FAM53A: variants seen among roughly 807,000 people sequenced by gnomAD.
FAM53A encodes the protein family with sequence similarity 53 member A.
FAM53A carries 28 observed loss-of-function variants against 26.6 expected under a neutral mutation model. That is an observed-to-expected ratio of 1.05 (90% CI 0.78 to 1.45). FAM53A has a LOEUF of 1.45. Ranked by LOEUF, FAM53A falls within the 40% of genes most tolerant of loss-of-function variation. The pLI is 0.00. For synonymous variants in FAM53A, 290 were observed against 253.1 expected (o/e 1.15, Z -1.38); for missense variants, 650 against 575.8 (o/e 1.13, Z -1.32).
chr4:1,658,574 C>T (rs549810197), intron 2 of FAM53A, among the ~76,000 whole-genome samples: 13 of 152,356 alleles, frequency 8.5e-5, no homozygotes, highest in African/African-American at 3.1e-4. Flanking sequence ...GGCAGGGTCT[C>T]CCTCCCTGGA....
intron 1 of FAM53A, among the ~76,000 whole-genome samples, chr4:1,633,865 T>C (rs1715720825): frequency 6.6e-6 from 1 of 151,894 alleles, no homozygotes; most frequent in Non-Finnish European, 1.5e-5. Context: ...AAAATCTATA[T>C]CCATAACTGC....
chr4:1,592,974 G>T, the FAM53A span, among the ~76,000 whole-genome samples: 1 of 152,110 alleles, frequency 6.6e-6, no homozygotes, highest in Non-Finnish European at 1.5e-5. Context: ...AACGGAACCG[G>T]CCCTGATTCG....
At chr4:1,589,615 T>C in the FAM53A span, among the ~76,000 whole-genome samples, 1 of 152,204 alleles carries the variant, frequency 6.6e-6, no homozygotes, top group Non-Finnish European at 1.5e-5. Context: ...TAATGGATAT[T>C]AGTCTTTTAC....
At chr4:1,636,793 G>A (rs1396649095), downstream of FAM53A, among the ~76,000 whole-genome samples, 1 of 152,250 alleles carries the variant, frequency 6.6e-6, no homozygotes, top group Non-Finnish European at 1.5e-5. Context: ...GGAGGCCACG[G>A]GGCTAGCATG....
At chr4:1,684,077 T>C (rs891938200) in intron 1 of FAM53A, 156 bp downstream of exon 1, 23 of 152,152 alleles carry the variant, frequency 1.5e-4, no homozygotes, top group African/African-American at 5.3e-4. Flanking sequence ...CAGGGGGACG[T>C]AGTCCACGCG....
Position 1,625,164 on chromosome 4 carries a change from G to A in FAM53A, c.432-7053C>T, listed in dbSNP as rs13135120. Among the ~76,000 whole-genome samples, 11 of 38,804 alleles carry A rather than the reference G, an allele frequency of 2.8e-4. 1 individual carries two copies. Among genetic ancestry groups the A allele is most frequent in the East Asian group, 4.8e-4 (1 of 2,098 alleles). 25.5% of individuals were successfully genotyped at this position (38,804 alleles called of 152,430 possible). On this transcript the variant is annotated intron_variant, in intron 1 of 1. Transcript: ENST00000489029. ...AGGTGATCAGAAGGCCCCACGTCCC[G>A]GCCCACGTGGTCAGGGGTCACACCA...
the FAM53A span, among the ~76,000 whole-genome samples, chr4:1,608,716 G>A: frequency 7.0e-4 from 107 of 152,276 alleles, no homozygotes; most frequent in South Asian, 2.3e-3. Context: ...CCTCAGCCCC[G>A]TCCATCACTC....
intron 2 of FAM53A, among the ~76,000 whole-genome samples, chr4:1,662,127 G>A (rs1259396509): frequency 1.3e-5 from 2 of 152,030 alleles, no homozygotes; most frequent in Admixed American, 1.3e-4. Context: ...ACAAGAGGTG[G>A]AAACCAGCCT....
chr4:1,632,163 CAAAA>C (rs33944808), intron 1 of FAM53A, among the ~76,000 whole-genome samples: 1 of 107,482 alleles, frequency 9.3e-6, no homozygotes. Flanking sequence ...GATTCCATCT[CAAAA>C]AAAAAAAAAA....
At chr4:1,652,314 C>T (rs1170906495) in intron 4 of FAM53A, among the ~76,000 whole-genome samples, 2 of 141,180 alleles carry the variant, frequency 1.4e-5, no homozygotes, top group East Asian at 2.1e-4. Context: ...ACACCACACA[C>T]GTCACACACA....
At chr4:1,657,309 T>G in intron 3 of FAM53A, 99 bp downstream of exon 3, 2 of 1,119,934 alleles carry the variant, frequency 1.8e-6, no homozygotes, top group Non-Finnish European at 2.6e-6. Context: ...CCTGGGCTTC[T>G]GCAGATCCGG....
the FAM53A span, among the ~76,000 whole-genome samples, chr4:1,608,534 G>A: frequency 7.2e-5 from 11 of 152,196 alleles, no homozygotes; most frequent in East Asian, 1.2e-3. Context: ...GAGGGGCTCC[G>A]TGGCAAGAGG....
At position 1,655,077 on chromosome 4, in the gene FAM53A, CTG is replaced by C; in HGVS notation, c.781_782del (p.Gln261AlafsTer16). ...TCCTCTTCCCACTGAGCACGCAAGG[CTG>C]TGAGCGGCACCGGAGCAGCCCACGG... ...GRRGLLRCRS[Q>X]PCVLSGKRSR... On this transcript the variant is annotated frameshift_variant, in exon 4 of 5. Transcript: ENST00000308132. LOFTEE classifies it high-confidence loss of function. The C allele has an allele frequency of 1.2e-6, 2 of 1,601,524 alleles. No individual in the cohort carries two copies. Among genetic ancestry groups the C allele is most frequent in the East Asian group, 2.3e-5 (1 of 44,322 alleles).
the FAM53A span, among the ~76,000 whole-genome samples, chr4:1,609,952 T>C: frequency 6.6e-6 from 1 of 151,890 alleles, no homozygotes; most frequent in Non-Finnish European, 1.5e-5. Context: ...AACAGAGACT[T>C]TGTCTCAATA....
At chr4:1,605,745 C>A in the FAM53A span, among the ~76,000 whole-genome samples, 19 of 152,142 alleles carry the variant, frequency 1.2e-4, no homozygotes, top group African/African-American at 4.6e-4. This position sits in a 1 kb window ranked among gnomAD's most constrained non-coding sequence, Gnocchi z 5.7. Flanking sequence ...GCAGGCACCG[C>A]CCGCAGCAGT....
the FAM53A span, among the ~76,000 whole-genome samples, chr4:1,603,022 G>T: frequency 1.3e-5 from 2 of 152,192 alleles, no homozygotes; most frequent in African/African-American, 4.8e-5. Flanking sequence ...ACAGCTCGGG[G>T]GTGGCGCATT....
chr4:1,604,646 C>T, the FAM53A span, among the ~76,000 whole-genome samples: 1 of 152,192 alleles, frequency 6.6e-6, no homozygotes, highest in Non-Finnish European at 1.5e-5. Flanking sequence ...CAGGACAGCA[C>T]AGGGACTGCA....
At chr4:1,638,754 G>A (rs1560127631), downstream of FAM53A, among the ~76,000 whole-genome samples, 2 of 142,288 alleles carry the variant, frequency 1.4e-5, no homozygotes, top group African/African-American at 2.8e-5. Flanking sequence ...CCCAGGCCAG[G>A]CTCAGAGCTG....
the FAM53A span, among the ~76,000 whole-genome samples, chr4:1,610,993 C>A: frequency 2.0e-5 from 3 of 152,196 alleles, no homozygotes; most frequent in African/African-American, 7.2e-5. Context: ...GCCACTGGCA[C>A]CTGCTGGTTG....
Sources: gnomAD v4.1 joint callset for allele counts (sites outside exome capture counted in the v4.1 genomes callset) on GRCh38, gnomAD v4.1.1 for gene constraint, Gnocchi (gnomAD v3.1) non-coding constraint, MANE v1.5 for transcripts, NCBI Gene and HGNC (gene_info 2026-07-23, HGNC 2026-07-21) for gene names.